Variants in TMIGD2 observed in about 807,000 individuals in gnomAD.
The protein encoded by TMIGD2 is transmembrane and immunoglobulin domain-containing protein 2.
A neutral mutation model predicts 22.6 loss-of-function variants in TMIGD2; 18 were observed. The observed-to-expected ratio is 0.80, with a 90% CI of 0.55 to 1.18. The LOEUF is 1.18. TMIGD2 is among the 50% of genes most tolerant of loss of function. The pLI, the probability that TMIGD2 is intolerant of heterozygous loss-of-function variation, is 0.00. For missense variants in TMIGD2, 361 were observed against 378.2 expected (o/e 0.95, Z 0.38); for synonymous variants, 184 against 154.1 (o/e 1.19, Z -1.44).
intron 2 of TMIGD2, among the ~76,000 whole-genome samples, chr19:4,296,051 TG>T (rs1376460162): frequency 3.3e-5 from 5 of 152,104 alleles, no homozygotes; most frequent in African/African-American, 1.2e-4. Flanking sequence ...CTCAAGTAGC[TG>T]GGACTATGGG....
intron 4 of TMIGD2, among the ~76,000 whole-genome samples, chr19:4,293,929 T>C (rs1245010307): frequency 6.6e-6 from 1 of 151,076 alleles, no homozygotes; most frequent in African/African-American, 2.4e-5. Flanking sequence ...GCCTGGGTAA[T>C]GTTTGTATTT....
At chr19:4,294,911 C>T (rs1235074703) in intron 2 of TMIGD2, 95 bp from the exon 3 acceptor site, 9 of 1,281,554 alleles carry the variant, frequency 7.0e-6, no homozygotes, top group Non-Finnish European at 9.4e-6. Context: ...CCTCCTCCTG[C>T]CAGGCTTTGT....
At chr19:4,292,935 T>G in intron 4 of TMIGD2, 50 bp from the exon 5 acceptor site, 1 of 1,596,216 alleles carries the variant, frequency 6.3e-7, no homozygotes, top group South Asian at 1.1e-5. Flanking sequence ...AGTCCTGCCC[T>G]CTCCAGCTGA....
intron 1 of TMIGD2, 66 bp downstream of exon 1, chr19:4,302,274 G>C: frequency 6.6e-7 from 1 of 1,511,704 alleles, no homozygotes; most frequent in Non-Finnish European, 8.9e-7. Flanking sequence ...CCCTGAGCTG[G>C]GGGGCAGGCA....
At position 4,302,326 on chromosome 19, in the gene TMIGD2, G is replaced by A. The variant is rs367879294; in HGVS notation, c.46+14C>T. The A allele has an allele frequency of 5.6e-4, 871 of 1,567,356 alleles. 1 individual carries two copies. The highest frequency in any genetic ancestry group is 7.2e-4 in the Non-Finnish European group (834 of 1,155,300). ...AGAGTGGGGTTCAGAGGGGAGGGAG[G>A]CCCAGATACTCACCCCAGATCTGCA... On this transcript the variant is annotated intron_variant, in intron 1 of 4. Coordinates refer to ENST00000301272, the Ensembl canonical transcript of TMIGD2.
intron 2 of TMIGD2, among the ~76,000 whole-genome samples, chr19:4,295,757 G>A (rs1971454434): frequency 6.6e-6 from 1 of 152,058 alleles, no homozygotes; most frequent in South Asian, 2.1e-4. Context: ...GGGAAACCGA[G>A]GCTCAGAGAG....
chr19:4,294,776 T>A, exon 3 of TMIGD2: 1 of 1,585,532 alleles, frequency 6.3e-7, no homozygotes, highest in Non-Finnish European at 8.6e-7. Flanking sequence ...AGGGCTCACC[T>A]GGGAAGCTTG....
Position 4,300,957 on chromosome 19 carries a change from T to C in TMIGD2, c.46+1383A>G, listed in dbSNP as rs189418316. ...AGAAAGCAGGGAAGAAATAGTCCAATTGAAGTTTTTGTTTTTGTTTTTGTT... is the reference window on the plus strand; with the variant it reads ...AGAAAGCAGGGAAGAAATAGTCCAACTGAAGTTTTTGTTTTTGTTTTTGTT... On this transcript the variant is annotated intron_variant, in intron 1 of 4. Coordinates refer to ENST00000301272, the Ensembl canonical transcript of TMIGD2. Among the ~76,000 whole-genome samples the C allele has an allele frequency of 8.7e-5, 13 of 150,006 alleles. No individual in the cohort carries two copies. In the South Asian group the frequency reaches 1.1e-3, roughly 12 times the overall value.
exon 2 of TMIGD2, chr19:4,298,249 T>C (rs1971489759): frequency 6.2e-7 from 1 of 1,612,550 alleles, no homozygotes; most frequent in African/African-American, 1.3e-5. Flanking sequence ...GGCTGTGGCC[T>C]GGTCCACCTG....
chr19:4,294,783 C>T, exon 3 of TMIGD2: 1 of 1,586,208 alleles, frequency 6.3e-7, no homozygotes, highest in Non-Finnish European at 8.6e-7. Context: ...ACCTGGGAAG[C>T]TTGCGATCCG....
chr19:4,301,990 A>T (rs536319632), intron 1 of TMIGD2, among the ~76,000 whole-genome samples: 2 of 152,320 alleles, frequency 1.3e-5, no homozygotes, highest in Admixed American at 1.3e-4. Flanking sequence ...CAGCTGGAAC[A>T]GCAGGTGCAA....
At chr19:4,293,824 C>T (rs898736986) in intron 4 of TMIGD2, among the ~76,000 whole-genome samples, 1 of 151,740 alleles carries the variant, frequency 6.6e-6, no homozygotes, top group Non-Finnish European at 1.5e-5. Context: ...TGTAGTGAGG[C>T]AGTCTGGGCT....
chr19:4,298,041 C>A, exon 2 of TMIGD2: 1 of 1,613,102 alleles, frequency 6.2e-7, no homozygotes, highest in Non-Finnish European at 8.5e-7. Flanking sequence ...ACTCAGGAAT[C>A]TCTACGGCCG....
chr19:4,301,252 G>T (rs1971532793), intron 1 of TMIGD2, among the ~76,000 whole-genome samples: 1 of 152,138 alleles, frequency 6.6e-6, no homozygotes, highest in Non-Finnish European at 1.5e-5. Context: ...TTAATAAAAA[G>T]ACCTTGGTTG....
In TMIGD2 at chr19:4,294,695, A is replaced by G; in HGVS notation, c.449-15T>C. The G allele has an allele frequency of 6.3e-7, 1 of 1,581,264 alleles. No individual in the cohort carries two copies. The highest frequency in any genetic ancestry group is 8.6e-7 in the Non-Finnish European group (1 of 1,162,866). ...GAAGAGGAATCCTGGGTAGGGGGAG[A>G]AGAGATGGTCTAATCAGGAGGGGAA... is the stretch of plus-strand genomic sequence containing the variant. On this transcript the variant is annotated splice_polypyrimidine_tract_variant and intron_variant, in intron 3 of 4. Coordinates refer to ENST00000301272, the Ensembl canonical transcript of TMIGD2.
chr19:4,294,540 C>T (rs1971432336), intron 4 of TMIGD2, 39 bp downstream of exon 4: 3 of 1,599,796 alleles, frequency 1.9e-6, no homozygotes, highest in Non-Finnish European at 1.7e-6. Flanking sequence ...CTGCAGTTCC[C>T]ACCTCCTCCG....
At chr19:4,298,074 G>A in exon 2 of TMIGD2, 2 of 1,613,748 alleles carry the variant, frequency 1.2e-6, no homozygotes, top group South Asian at 2.2e-5. Flanking sequence ...ACGCCCCGCT[G>A]TGGTTGAGGC....
chr19:4,295,912 TTTG>T (rs1219555148), intron 2 of TMIGD2, among the ~76,000 whole-genome samples: 1 of 152,014 alleles, frequency 6.6e-6, no homozygotes. Flanking sequence ...TAAGCATTGT[TTTG>T]TTGTTGTTGT....
At chr19:4,293,547 A>C (rs1413256481) in intron 4 of TMIGD2, among the ~76,000 whole-genome samples, 4 of 148,458 alleles carry the variant, frequency 2.7e-5, no homozygotes, top group African/African-American at 1.0e-4. Flanking sequence ...TGCATGAGCC[A>C]CTGCACCCGG....
Sources: gnomAD v4.1 joint callset for allele counts (sites outside exome capture counted in the v4.1 genomes callset) on GRCh38, gnomAD v4.1.1 for gene constraint, MANE v1.5 for transcripts, NCBI Gene and HGNC (gene_info 2026-07-23, HGNC 2026-07-21) for gene names.